Variants in NRCAM observed in about 807,000 individuals in gnomAD.
NRCAM encodes the protein neuronal cell adhesion molecule, also known as NgCAM-related cell adhesion molecule.
Under a neutral mutation model 156.5 loss-of-function variants are expected in NRCAM, and 83 were observed. The ratio of observed to expected loss-of-function variants is 0.53; its 90% CI spans 0.44 to 0.64. NRCAM has a LOEUF of 0.64. Among genes scored for constraint, NRCAM ranks in the 30% least tolerant of loss-of-function variants. The pLI, the probability that NRCAM is intolerant of heterozygous loss-of-function variation, is 0.00. For synonymous variants in NRCAM, 538 were observed against 563.9 expected, an observed-to-expected ratio of 0.95 and a Z score of 0.65; for missense variants, 1,417 against 1,597.3, an observed-to-expected ratio of 0.89 and a Z score of 1.92.
rs766332124 is a variant in NRCAM at position 108,159,467 on chromosome 7, A to T, written c.3673T>A (p.Tyr1225Asn). 2 of 1,612,978 alleles carry T rather than the reference A, an allele frequency of 1.2e-6. No individual in the cohort carries two copies. ...MKEDDGTFGE[Y>N]SDAEDHKPLK... is the part of the protein sequence containing the mutation. ...AGCAGAGAAGCAGGGGCTCACCTGT[A>T]TTCTCCAAATGTCCCATCATCTTCC... The change falls in exon 32 of 33, where the codon TAC becomes AAC. Residue 1225 changes from tyrosine to asparagine, a missense_variant. Physicochemically the swap from Tyr to Asn is moderately radical, Grantham distance 143. This residue lies in a region of NRCAM where 179 missense variants were observed against 260.9 expected (regional missense o/e 0.69). Coordinates refer to ENST00000379028, the MANE Select transcript of NRCAM (RefSeq NM_001037132.4).
At chr7:108,180,482 T>C (rs1424513746) in intron 24 of NRCAM, 55 bp from the exon 25 acceptor site, 2 of 1,395,636 alleles carry the variant, frequency 1.4e-6, no homozygotes, top group Non-Finnish European at 2.0e-6. Context: ...CAAGATTCCT[T>C]ATGCTCACAA....
At chr7:108,344,138 AT>A in intron 2 of NRCAM, among the ~76,000 whole-genome samples, 1 of 152,242 alleles carries the variant, frequency 6.6e-6, no homozygotes, top group African/African-American at 2.4e-5. Context: ...CCCCAACAGC[AT>A]TTGGGTTTTC....
chr7:108,215,364 C>T (rs2087590048), intron 11 of NRCAM, among the ~76,000 whole-genome samples: 1 of 152,002 alleles, frequency 6.6e-6, no homozygotes, highest in Non-Finnish European at 1.5e-5. Flanking sequence ...AGGTGCCTGC[C>T]ACCATGCCTA....
chr7:108,345,365 TA>T (rs2099345447), intron 2 of NRCAM, among the ~76,000 whole-genome samples: 1 of 152,126 alleles, frequency 6.6e-6, no homozygotes, highest in South Asian at 2.1e-4. Context: ...TGTCTAGAAA[TA>T]AGGAAAACCT....
At chr7:108,303,373 T>C (rs756088067) in intron 3 of NRCAM, among the ~76,000 whole-genome samples, 1 of 152,126 alleles carries the variant, frequency 6.6e-6, no homozygotes, top group African/African-American at 2.4e-5. Context: ...GCAAATATAC[T>C]GTGTACCGTC....
chr7:108,255,300 G>C (rs923194307), intron 3 of NRCAM, among the ~76,000 whole-genome samples: 1 of 152,102 alleles, frequency 6.6e-6, no homozygotes, highest in Non-Finnish European at 1.5e-5. Flanking sequence ...CCGAGTGCCT[G>C]GGATTGCAGG....
At chr7:108,439,832 CAA>C (rs34432715) in intron 1 of NRCAM, among the ~76,000 whole-genome samples, 12 of 70,414 alleles carry the variant, frequency 1.7e-4, no homozygotes, top group African/African-American at 4.4e-4. Context: ...GACTCCGTCA[CAA>C]AAAAAAAAAA....
chr7:108,178,217 T>C, intron 25 of NRCAM, 105 bp from the exon 26 acceptor site: 1 of 1,160,520 alleles, frequency 8.6e-7, no homozygotes, highest in Non-Finnish European at 1.2e-6. Flanking sequence ...TGAGTTTCAG[T>C]AACTCATTCC....
At chr7:108,450,118 C>T (rs574679335) in intron 1 of NRCAM, among the ~76,000 whole-genome samples, 55 of 151,924 alleles carry the variant, frequency 3.6e-4, no homozygotes, top group Non-Finnish European at 6.3e-4. Flanking sequence ...TGTTTTAGTC[C>T]AGGGCAATAT....
chr7:108,444,127 A>G (rs1265227100), intron 1 of NRCAM, among the ~76,000 whole-genome samples: 1 of 152,236 alleles, frequency 6.6e-6, no homozygotes, highest in Non-Finnish European at 1.5e-5. Context: ...TTTTAAAACA[A>G]TATAGTGTAA....
In NRCAM at chr7:108,252,142, G is replaced by A. The variant is rs2153905589; in HGVS notation, c.-106-11972C>T. 1.3e-5 allele frequency among the ~76,000 whole-genome samples: 2 copies of A among 152,284 alleles called. 1 individual carries two copies. Among genetic ancestry groups the A allele is most frequent in the Middle Eastern group, 6.8e-3 (2 of 294 alleles). On this transcript the variant is annotated intron_variant, in intron 3 of 32. Transcript: ENST00000379028. Reference sequence around the variant, plus strand: ...CTACAGACATCATTAGAGCTGGATAGAATAACTGCATATAATTTTTATGAG... The same window carrying A: ...CTACAGACATCATTAGAGCTGGATAAAATAACTGCATATAATTTTTATGAG...
At chr7:108,384,540 G>A (rs916926502) in intron 2 of NRCAM, among the ~76,000 whole-genome samples, 5 of 152,192 alleles carry the variant, frequency 3.3e-5, no homozygotes, top group African/African-American at 1.2e-4. Context: ...AGATTTGGCA[G>A]AGGAGATTTG....
Position 108,171,594 on chromosome 7 carries a change from T to C in NRCAM, c.3188-3192A>G, listed in dbSNP as rs2058445490. Among the ~76,000 whole-genome samples, 5 of 152,174 alleles carry C rather than the reference T, an allele frequency of 3.3e-5. No individual in the cohort carries two copies. In the South Asian group the frequency reaches 1.0e-3, roughly 32 times the overall value. ...GGCTTCAAGGCCCAGTTCAATATTA[T>C]TTTCTTTGTGAAGCTTTTCCTGATC... On this transcript the variant is annotated intron_variant, in intron 28 of 32. Transcript: ENST00000379028.
rs181916748 is a variant in NRCAM, at chr7:108,432,942, G to A, written c.-332+23301C>T. On this transcript the variant is annotated intron_variant, in intron 1 of 32. Coordinates refer to ENST00000379028, the MANE Select transcript of NRCAM (RefSeq NM_001037132.4). Reference sequence around the variant, plus strand: ...GAAAGAGAAAGAGGAGAAAGAGAAAGAGAAGGAGAAGGAGAAGGAGGAGAA... The same window carrying A: ...GAAAGAGAAAGAGGAGAAAGAGAAAAAGAAGGAGAAGGAGAAGGAGGAGAA... Among the ~76,000 whole-genome samples, 1,220 of 150,576 alleles carry A rather than the reference G, an allele frequency of 8.1e-3. 67 individuals carry two copies. Among genetic ancestry groups the A allele is most frequent in the Admixed American group, 0.076 (1,143 of 15,112 alleles).
chr7:108,256,933 C>T (rs1437140787), intron 3 of NRCAM, among the ~76,000 whole-genome samples: 11 of 148,002 alleles, frequency 7.4e-5, no homozygotes, highest in Non-Finnish European at 1.2e-4. Flanking sequence ...CACTTGAACC[C>T]GGGAGGTGGA....
chr7:108,250,801 GA>G (rs1247000862), intron 3 of NRCAM, among the ~76,000 whole-genome samples: 1 of 151,982 alleles, frequency 6.6e-6, no homozygotes, highest in Non-Finnish European at 1.5e-5. Context: ...TGAGGGGATG[GA>G]TAACCCATTT....
rs563863799 is a variant in NRCAM at position 108,211,641 on chromosome 7, C to T, written c.891-2036G>A. On this transcript the variant is annotated intron_variant, in intron 11 of 32. Coordinates refer to ENST00000379028, the MANE Select transcript of NRCAM (RefSeq NM_001037132.4). ...CTCGCTTCCCCAACAACCTGCATGA[C>T]TCAGCAGAGGGACAACTTGCATGAC... 2.0e-5 allele frequency among the ~76,000 whole-genome samples: 3 copies of T among 152,228 alleles called. No homozygotes were observed. The South Asian group carries it at 6.2e-4, about 32-fold the overall frequency.
chr7:108,455,358 G>A (rs1321962607), intron 1 of NRCAM, among the ~76,000 whole-genome samples: 1 of 152,196 alleles, frequency 6.6e-6, no homozygotes, highest in Non-Finnish European at 1.5e-5. Context: ...GGATGCTCCA[G>A]GGCGGGTAAT....
intron 11 of NRCAM, among the ~76,000 whole-genome samples, chr7:108,212,010 C>T (rs2084813389): frequency 6.6e-6 from 1 of 152,202 alleles, no homozygotes; most frequent in African/African-American, 2.4e-5. Flanking sequence ...CCCCCTGCCA[C>T]CTCCACCAGA....
Sources: gnomAD v4.1 joint callset for allele counts (sites outside exome capture counted in the v4.1 genomes callset) on GRCh38, gnomAD v4.1.1 for gene constraint, gnomAD v4.1.1 regional missense constraint, MANE v1.5 for transcripts, NCBI Gene and HGNC (gene_info 2026-07-23, HGNC 2026-07-21) for gene names.